ABAT: variants seen among roughly 807,000 people sequenced by gnomAD.
The protein encoded by ABAT is 4-aminobutyrate aminotransferase, mitochondrial.
A neutral mutation model predicts 64.6 loss-of-function variants in ABAT; 45 were observed. That is an observed-to-expected ratio of 0.70 (90% confidence interval 0.55 to 0.89). The LOEUF is 0.89. Among genes scored for constraint, ABAT ranks in the 40% least tolerant of loss-of-function variants. ABAT has a pLI of 0.00. For synonymous variants in ABAT, 297 were observed against 250.5 expected, an observed-to-expected ratio of 1.19 and a Z score of -1.75; for missense variants, 633 against 658.4, an observed-to-expected ratio of 0.96 and a Z score of 0.42.
chr16:8,728,026 G>GC (rs2142275156), intron 1 of ABAT, among the ~76,000 whole-genome samples: 1 of 152,232 alleles, frequency 6.6e-6, no homozygotes, highest in East Asian at 1.9e-4. Context: ...AGCCCTGATC[G>GC]CCCCACTGCA....
intron 2 of ABAT, among the ~76,000 whole-genome samples, chr16:8,738,806 G>T (rs751824524): frequency 1.3e-5 from 2 of 151,480 alleles, no homozygotes; most frequent in Admixed American, 6.6e-5. Flanking sequence ...CACCATGCCC[G>T]GCTAATTTTT....
intron 5 of ABAT, among the ~76,000 whole-genome samples, chr16:8,756,556 T>A (rs891841788): frequency 6.6e-6 from 1 of 152,184 alleles, no homozygotes; most frequent in Non-Finnish European, 1.5e-5. Context: ...CTAAGCCTAA[T>A]CCCCATCTCA....
chr16:8,768,546 G>T (rs1009281467), intron 10 of ABAT, among the ~76,000 whole-genome samples: 6 of 152,148 alleles, frequency 3.9e-5, no homozygotes, highest in African/African-American at 1.4e-4. Flanking sequence ...ACATACCCAC[G>T]CACGCATGCC....
intron 5 of ABAT, among the ~76,000 whole-genome samples, chr16:8,753,942 T>C (rs1414341903): frequency 6.6e-6 from 1 of 152,054 alleles, no homozygotes; most frequent in African/African-American, 2.4e-5. Context: ...GGCTGATCTC[T>C]TACTGTGGAG....
intron 1 of ABAT, among the ~76,000 whole-genome samples, chr16:8,686,307 G>A (rs1372669714): frequency 6.6e-6 from 1 of 152,200 alleles, no homozygotes; most frequent in African/African-American, 2.4e-5. Flanking sequence ...AGCCCTAAGT[G>A]TCCAGTCCTG....
chr16:8,722,929 C>A, intron 1 of ABAT: 1 of 1,192,704 alleles, frequency 8.4e-7, no homozygotes, highest in Non-Finnish European at 1.1e-6. Flanking sequence ...TCTTAGAGTC[C>A]GAACGGGCCT....
At chr16:8,723,434 T>C (rs1199305261) in intron 1 of ABAT, among the ~76,000 whole-genome samples, 1 of 152,158 alleles carries the variant, frequency 6.6e-6, no homozygotes, top group African/African-American at 2.4e-5. Flanking sequence ...CCTTCCCTTG[T>C]GGCAGCCTGC....
intron 1 of ABAT, among the ~76,000 whole-genome samples, chr16:8,697,139 G>C (rs1449212746): frequency 6.6e-6 from 1 of 152,210 alleles, no homozygotes; most frequent in East Asian, 1.9e-4. Flanking sequence ...GGTCAAGGAA[G>C]GCTGTTCTGA....
chr16:8,697,349 A>T (rs1186353017), intron 1 of ABAT, among the ~76,000 whole-genome samples: 2 of 152,204 alleles, frequency 1.3e-5, no homozygotes, highest in African/African-American at 4.8e-5. Context: ...GATGTGTTTC[A>T]CTTTAAAATA....
At chr16:8,774,460 G>A (rs950927056) in intron 12 of ABAT, among the ~76,000 whole-genome samples, 3 of 152,046 alleles carry the variant, frequency 2.0e-5, no homozygotes, top group African/African-American at 4.8e-5. Flanking sequence ...GACGTGAGTT[G>A]ACTTAACACA....
intron 1 of ABAT, among the ~76,000 whole-genome samples, chr16:8,728,085 A>G (rs1023643509): frequency 8.5e-5 from 12 of 140,870 alleles, no homozygotes; most frequent in African/African-American, 3.2e-4. Context: ...AGAGAGAGAG[A>G]GAGATTGATT....
chr16:8,703,535 A>AT (rs1259612628), intron 1 of ABAT, among the ~76,000 whole-genome samples: 1 of 152,228 alleles, frequency 6.6e-6, no homozygotes, highest in African/African-American at 2.4e-5. Flanking sequence ...ATGTTGGTAA[A>AT]TAATAGAGCG....
intron 6 of ABAT, among the ~76,000 whole-genome samples, chr16:8,761,272 T>A (rs2059789397): frequency 6.7e-6 from 1 of 150,350 alleles, no homozygotes; most frequent in Admixed American, 6.7e-5. Context: ...CTTGGCTTTC[T>A]GCCAGCAACC....
chr16:8,699,062 C>T (rs1402260704), intron 1 of ABAT, among the ~76,000 whole-genome samples: 2 of 152,200 alleles, frequency 1.3e-5, no homozygotes, highest in Non-Finnish European at 2.9e-5. Flanking sequence ...GGTGGAATTG[C>T]TGGGTCATAT....
chr16:8,775,019 G>A lies in ABAT; in HGVS notation c.1084G>A (p.Gly362Arg). The A allele has an allele frequency of 1.9e-6, 3 of 1,614,196 alleles. No individual in the cohort carries two copies. The highest frequency in any genetic ancestry group is 2.5e-6 in the Non-Finnish European group (3 of 1,180,038). Residue 362 changes from glycine to arginine, a missense_variant, in exon 13 of 16, where the codon GGG becomes AGG. Gly to Arg is a moderately radical substitution (Grantham distance 125). Transcript: ENST00000268251. ...GACCTTCAGCAAGAAGATGATGACTGGGGGCTTCTTCCACAAGGAGGAGTT... is the reference window on the plus strand; with the variant it reads ...GACCTTCAGCAAGAAGATGATGACTAGGGGCTTCTTCCACAAGGAGGAGTT... ...VMTFSKKMMT[G>R]GFFHKEEFRP...
At chr16:8,691,622 A>T (rs1596401222) in intron 1 of ABAT, among the ~76,000 whole-genome samples, 2 of 152,192 alleles carry the variant, frequency 1.3e-5, no homozygotes, top group South Asian at 4.1e-4. Flanking sequence ...TGTATTTTTA[A>T]TAGAGAGGGG....
intron 5 of ABAT, among the ~76,000 whole-genome samples, chr16:8,751,913 T>A (rs1390039516): frequency 6.6e-6 from 1 of 152,226 alleles, no homozygotes; most frequent in Non-Finnish European, 1.5e-5. Context: ...TATTTGCAGC[T>A]TGGATGGTTA....
intron 1 of ABAT, among the ~76,000 whole-genome samples, chr16:8,724,143 A>G (rs1401354521): frequency 6.6e-6 from 1 of 151,600 alleles, no homozygotes; most frequent in Non-Finnish European, 1.5e-5. Context: ...GCCCAGCCCC[A>G]AGCTTTATAT....
chr16:8,697,053 G>A (rs1596403467), intron 1 of ABAT, among the ~76,000 whole-genome samples: 1 of 152,178 alleles, frequency 6.6e-6, no homozygotes, highest in Non-Finnish European at 1.5e-5. Context: ...AATCATGAAC[G>A]AATGAGAAAG....
Sources: allele counts gnomAD v4.1 joint callset (sites outside exome capture counted in the v4.1 genomes callset), GRCh38; gene constraint gnomAD v4.1.1; transcripts MANE v1.5; gene names NCBI Gene and HGNC (gene_info 2026-07-23, HGNC 2026-07-21).